The following SH3RF2 variants were observed in gnomAD, a reference collection of about 807,000 sequenced individuals.
SH3RF2 encodes E3 ubiquitin-protein ligase SH3RF2.
SH3RF2 carries 43 observed loss-of-function variants against 59.0 expected under a neutral mutation model. That is an observed-to-expected ratio of 0.73 (90% CI 0.57 to 0.94). The LOEUF is 0.94. SH3RF2 is among the 40% of genes least tolerant of loss of function. The pLI is 0.00. For synonymous variants in SH3RF2, 391 were observed against 391.5 expected, an observed-to-expected ratio of 1.00 and a Z score of 0.01; for missense variants, 930 against 940.1, an observed-to-expected ratio of 0.99 and a Z score of 0.14.
At chr5:146,064,774 G>GGAAGGAAGGAAGGAAAGAAA (rs1561773656), downstream of SH3RF2, among the ~76,000 whole-genome samples, 24 of 34,496 alleles carry the variant, frequency 7.0e-4, no homozygotes, top group African/African-American at 2.5e-3. Context: ...AAGGAAGGAA[G>GGAAGGAAGGAAGGAAAGAAA]GAAAGGAAGG....
chr5:145,946,027 C>A (rs1757994929), intron 2 of SH3RF2, among the ~76,000 whole-genome samples: 1 of 152,218 alleles, frequency 6.6e-6, no homozygotes, highest in Non-Finnish European at 1.5e-5. Context: ...GCAAGAACAT[C>A]CAAAGCAAGT....
Position 146,046,859 on chromosome 5 carries a change from G to A in SH3RF2, c.1060-913G>A, listed in dbSNP as rs879932405. On this transcript the variant is annotated intron_variant, in intron 5 of 9. Transcript: ENST00000359120. The stretch of plus-strand genomic sequence containing the variant: ...GCTCACTGTAACCTTGACCTCCCAG[G>A]CTCAAGCGAACTTCCCATCTCAGCC... 1.3e-5 allele frequency among the ~76,000 whole-genome samples: 2 copies of A among 152,040 alleles called. 1 individual carries two copies. The highest frequency in any genetic ancestry group is 4.8e-5 in the African/African-American group (2 of 41,394).
At position 145,937,966 on chromosome 5, in the gene SH3RF2, C is replaced by G; in HGVS notation, c.38C>G (p.Pro13Arg). The stretch of plus-strand genomic sequence containing the variant: ...ACGTTACTTGATCTTCTGGAGTGCC[C>G]TGTGTGCTTTGAGAAGCTCGATGTC... ...DLTLLDLLECPVCFEKLDVTA... is the reference protein window; with the variant it reads ...DLTLLDLLECRVCFEKLDVTA... Residue 13 changes from proline (P) to arginine (R), a missense_variant, in exon 2 of 10, where the codon CCT (proline) becomes CGT (arginine). By Grantham distance (103) the Pro-to-Arg change is moderately radical (BLOSUM62 -2). Coordinates refer to ENST00000359120, the MANE Select transcript of SH3RF2 (RefSeq NM_152550.4). 1 of 1,614,176 alleles carries G rather than the reference C, an allele frequency of 6.2e-7. No homozygotes were observed. The highest frequency in any genetic ancestry group is 8.5e-7 in the Non-Finnish European group (1 of 1,180,020).
At chr5:145,996,537 C>T (rs1196156762) in intron 2 of SH3RF2, among the ~76,000 whole-genome samples, 4 of 95,182 alleles carry the variant, frequency 4.2e-5, no homozygotes, top group Admixed American at 1.1e-4. Context: ...AAAAAACTGA[C>T]GATTGATCTC....
chr5:146,056,292 T>A, intron 8 of SH3RF2, 79 bp downstream of exon 8: 1 of 1,591,724 alleles, frequency 6.3e-7, no homozygotes, highest in Non-Finnish European at 8.6e-7. Context: ...GGATGCTTTT[T>A]GCAAAAACAG....
rs369446779 is a variant in SH3RF2, at chr5:146,014,065, G to C, written c.1059+4G>C. 32 of 1,611,820 alleles carry C rather than the reference G, an allele frequency of 2.0e-5. No individual in the cohort carries two copies. The highest frequency in any genetic ancestry group is 2.6e-5 in the Non-Finnish European group (31 of 1,179,542). ...TCCTTCCAGCTGTGTGGGACAGGTA[G>C]GGAAGAAACGCCTGGGATGAGGGCA... On this transcript the variant is annotated splice_donor_region_variant and intron_variant, in intron 5 of 9. Coordinates refer to ENST00000359120, the MANE Select transcript of SH3RF2 (RefSeq NM_152550.4).
intron 2 of SH3RF2, among the ~76,000 whole-genome samples, chr5:145,963,241 T>TG (rs1758704089): frequency 1.5e-5 from 2 of 137,708 alleles, no homozygotes; most frequent in African/African-American, 5.9e-5. Context: ...AAATACTGGA[T>TG]GAATGGATGG....
At chr5:146,059,530 G>A (rs1006352623) in intron 8 of SH3RF2, among the ~76,000 whole-genome samples, 11 of 150,340 alleles carry the variant, frequency 7.3e-5, no homozygotes, top group South Asian at 6.3e-4. Context: ...TCTGCTTCAC[G>A]CGCGCGTGTG....
At chr5:146,000,769 A>G (rs1019866750) in intron 3 of SH3RF2, among the ~76,000 whole-genome samples, 4 of 152,222 alleles carry the variant, frequency 2.6e-5, no homozygotes, top group Non-Finnish European at 5.9e-5. Flanking sequence ...TATTCATTCT[A>G]TCACTTTTGA....
chr5:146,058,118 C>G (rs576015337), intron 8 of SH3RF2, among the ~76,000 whole-genome samples: 1 of 152,050 alleles, frequency 6.6e-6, no homozygotes, highest in African/African-American at 2.4e-5. Flanking sequence ...TTTGCAAAAC[C>G]TTGATTGGCA....
rs1259464507 is a variant in SH3RF2 at position 145,990,010 on chromosome 5, G to A, written c.379-10048G>A. ...TTGGTTGTTTCTGGGTTTCAAATATGTGCTGGTTAGGACTGGTCCAGTTTC... is the reference window on the plus strand; with the variant it reads ...TTGGTTGTTTCTGGGTTTCAAATATATGCTGGTTAGGACTGGTCCAGTTTC... On this transcript the variant is annotated intron_variant, in intron 2 of 9. Coordinates refer to ENST00000359120, the MANE Select transcript of SH3RF2 (RefSeq NM_152550.4). Among the ~76,000 whole-genome samples, 4 of 152,158 alleles carry A rather than the reference G, an allele frequency of 2.6e-5. No individual in the cohort carries two copies. The East Asian group carries it at 5.8e-4, about 22-fold the overall frequency.
At chr5:146,021,809 G>T (rs1281299501) in intron 5 of SH3RF2, among the ~76,000 whole-genome samples, 1 of 152,080 alleles carries the variant, frequency 6.6e-6, no homozygotes, top group Non-Finnish European at 1.5e-5. Flanking sequence ...TTAGACCCAG[G>T]TACCTCTTCC....
intron 9 of SH3RF2, among the ~76,000 whole-genome samples, chr5:146,061,288 T>C (rs1440935197): frequency 6.6e-6 from 1 of 151,998 alleles, no homozygotes; most frequent in East Asian, 1.9e-4. Context: ...ACGTGTGGAG[T>C]AGAATCCAGA....
At chr5:146,050,434 G>A (rs984225728) in intron 7 of SH3RF2, among the ~76,000 whole-genome samples, 3 of 152,198 alleles carry the variant, frequency 2.0e-5, no homozygotes, top group Non-Finnish European at 4.4e-5. Context: ...GTCGGCCTGA[G>A]TCCTCATAGA....
Position 146,000,312 on chromosome 5 carries a change from C to A in SH3RF2, c.633C>A (p.Cys211Ter), listed in dbSNP as rs1760358826. Residue 211 changes from cysteine (C) to a stop codon, truncating the protein, a stop_gained, in exon 3 of 10, where the codon TGC becomes TGA. Transcript: ENST00000359120. LOFTEE classifies it high-confidence loss of function. ...RGKDKSENQD[C>*]LTFLKDDIIT... ...AGGACAAGAGTGAGAACCAGGATTG[C>A]CTGACCTTCCTCAAGGTAGGATTCT... 6.2e-7 allele frequency: 1 copy of A among 1,613,134 alleles called. No individual in the cohort carries two copies. The highest frequency in any genetic ancestry group is 8.5e-7 in the Non-Finnish European group (1 of 1,179,688).
chr5:146,048,982 C>G (rs1762397314), intron 6 of SH3RF2, 93 bp from the exon 7 acceptor site: 21 of 1,451,636 alleles, frequency 1.4e-5, no homozygotes, highest in African/African-American at 7.0e-5. Flanking sequence ...TATTGCTAAC[C>G]ACTGGGCAGT....
intron 2 of SH3RF2, among the ~76,000 whole-genome samples, chr5:145,948,528 A>G (rs1758076899): frequency 6.6e-6 from 1 of 152,244 alleles, no homozygotes; most frequent in South Asian, 2.1e-4. Flanking sequence ...CCCTTTCCTG[A>G]AAGCCTATTA....
chr5:145,969,460 C>T (rs188356515), intron 2 of SH3RF2, among the ~76,000 whole-genome samples: 53 of 152,112 alleles, frequency 3.5e-4, no homozygotes, highest in African/African-American at 1.2e-3. Flanking sequence ...TCCCAGATAC[C>T]CCTGCATCAC....
downstream of SH3RF2, among the ~76,000 whole-genome samples, chr5:146,065,056 C>G (rs908435590): frequency 6.6e-6 from 1 of 152,164 alleles, no homozygotes; most frequent in Non-Finnish European, 1.5e-5. Context: ...AAACCATACT[C>G]CTCCCATAAA....
Sources: gnomAD v4.1 joint callset for allele counts (sites outside exome capture counted in the v4.1 genomes callset) on GRCh38, gnomAD v4.1.1 for gene constraint, MANE v1.5 for transcripts, NCBI Gene and HGNC (gene_info 2026-07-23, HGNC 2026-07-21) for gene names.